Variants in TLK1 observed in about 807,000 individuals in gnomAD.
TLK1 encodes the protein tousled like kinase 1, also known as serine/threonine-protein kinase tousled-like 1.
TLK1 carries 24 observed loss-of-function variants against 105.3 expected under a neutral mutation model. The ratio of observed to expected loss-of-function variants is 0.23; its 90% CI spans 0.17 to 0.32. The LOEUF (loss-of-function observed/expected upper bound fraction) is 0.32. TLK1 is among the 10% of genes least tolerant of loss of function. The pLI is 1.00. For missense variants in TLK1, 558 were observed against 910.5 expected, an observed-to-expected ratio of 0.61 and a Z score of 4.98; for synonymous variants, 321 against 310.4, an observed-to-expected ratio of 1.03 and a Z score of -0.36.
intron 1 of TLK1, among the ~76,000 whole-genome samples, chr2:171,198,664 T>C (rs1405103163): frequency 6.6e-6 from 1 of 152,172 alleles, no homozygotes; most frequent in Non-Finnish European, 1.5e-5. Context: ...TCCAAAGATG[T>C]GTTAGAAAAG....
At chr2:171,057,718 T>TA (rs1234642970) in intron 5 of TLK1, among the ~76,000 whole-genome samples, 3 of 152,134 alleles carry the variant, frequency 2.0e-5, no homozygotes, top group Non-Finnish European at 4.4e-5. Context: ...CAGTGAACTT[T>TA]AACTTCTATT....
rs567804528 is a variant in TLK1 at position 171,080,818 on chromosome 2, C to T, written c.330+1963G>A. On this transcript the variant is annotated intron_variant, in intron 3 of 20. Transcript: ENST00000431350. ...GACTTCCTTGGCTCAAGTTACTGTC[C>T]CACCTCAGCCTCTCGAGTAGATGGG... Among the ~76,000 whole-genome samples the T allele has an allele frequency of 4.6e-5, 7 of 151,950 alleles. No homozygotes were observed. The South Asian group carries it at 1.5e-3, about 32-fold the overall frequency.
At chr2:171,183,668 T>C (rs1023506435) in intron 1 of TLK1, among the ~76,000 whole-genome samples, 1 of 152,220 alleles carries the variant, frequency 6.6e-6, no homozygotes, top group Non-Finnish European at 1.5e-5. Flanking sequence ...CTTTAAATAA[T>C]TTAAATATTG....
chr2:171,176,840 A>AT (rs1220619302), intron 1 of TLK1, among the ~76,000 whole-genome samples: 1,443 of 144,036 alleles, frequency 0.01, 23 homozygotes, highest in African/African-American at 0.033. Flanking sequence ...TTTTTTTTTA[A>AT]TTTTTTTTTT....
intron 1 of TLK1, among the ~76,000 whole-genome samples, chr2:171,142,624 A>C (rs2105579890): frequency 6.6e-6 from 1 of 152,348 alleles, no homozygotes; most frequent in African/African-American, 2.4e-5. Context: ...AATATATAAA[A>C]CAAAAACTGA....
intron 12 of TLK1, among the ~76,000 whole-genome samples, chr2:171,027,142 G>A (rs1685812179): frequency 6.6e-6 from 1 of 152,100 alleles, no homozygotes; most frequent in African/African-American, 2.4e-5. Context: ...TTAGTATGCA[G>A]TGTAATAGTA....
At chr2:171,223,798 ATT>A (rs1273261078) in intron 1 of TLK1, among the ~76,000 whole-genome samples, 37 of 127,132 alleles carry the variant, frequency 2.9e-4, no homozygotes, top group Admixed American at 4.7e-4. Flanking sequence ...TTTAAAATCA[ATT>A]TTTTTTTTTT....
In TLK1 at chr2:171,160,474, G is replaced by GCGGCAA. The variant is rs762014120; in HGVS notation, c.-52_-47dup. The GCGGCAA allele has an allele frequency of 1.9e-6, 3 of 1,572,202 alleles. No homozygotes were observed. The highest frequency in any genetic ancestry group is 1.2e-5 in the South Asian group (1 of 86,882). On this transcript the variant is annotated 5_prime_UTR_variant, in exon 1 of 21. Transcript: ENST00000431350. This position sits in a 1 kb window ranked among gnomAD's most constrained non-coding sequence, Gnocchi z 4.4. Reference sequence around the variant, plus strand: ...CGACTCCCCCCCTGCGACGGCAGCGGCGGCAACGGCACCGGCACCCGCCTC... The same window carrying GCGGCAA: ...CGACTCCCCCCCTGCGACGGCAGCGGCGGCAACGGCAACGGCACCGGCACCCGCCTC...
rs1575639889 is a variant in TLK1 at position 171,160,219 on chromosome 2, G to GCA, written c.139+70_139+71insTG. The GCA allele has an allele frequency of 1.1e-5, 14 of 1,257,414 alleles. No individual in the cohort carries two copies. The South Asian group carries it at 2.1e-4, about 19-fold the overall frequency. The allele number at this position is 1,257,414 out of a possible 1,614,324, so 77.9% of individuals were successfully genotyped here. A position where few individuals can be genotyped will look rare whatever the true frequency, so the allele number is the denominator to read the frequency against. ...GAGAAGCCCCGGGGCGGGGGGGGCG[G>GCA]GGGGGGGGCGCGGGGGTCCGCGGCG... is the stretch of plus-strand genomic sequence containing the variant. On this transcript the variant is annotated intron_variant, in intron 1 of 20. Coordinates refer to ENST00000431350, the MANE Select transcript of TLK1 (RefSeq NM_012290.5). The surrounding 1 kb of genome is among the most constrained non-coding windows in gnomAD (Gnocchi z 4.4).
chr2:171,076,380 T>C (rs961772344), intron 3 of TLK1, among the ~76,000 whole-genome samples: 4 of 152,082 alleles, frequency 2.6e-5, no homozygotes, highest in African/African-American at 9.7e-5. Context: ...TTCCATCTTC[T>C]ACCACGGGGT....
In TLK1 at chr2:171,006,968, T is replaced by G. The variant is rs1343232262; in HGVS notation, c.1508+4A>C. On this transcript the variant is annotated splice_donor_region_variant and intron_variant, in intron 15 of 20. Transcript: ENST00000431350. ...TTAAAAAACCATAAAGTATTAGTAT[T>G]TACTTGTGGTAGTTTTCTTTCTTCT... 6.2e-7 allele frequency: 1 copy of G among 1,608,188 alleles called. No homozygotes were observed.
chr2:171,160,349 G>A lies in TLK1; in HGVS notation c.80C>T (p.Ser27Leu), dbSNP rs750188591. The A allele has an allele frequency of 5.6e-6, 9 of 1,604,304 alleles. No individual in the cohort carries two copies. Among genetic ancestry groups the A allele is most frequent in the East Asian group, 4.6e-5 (2 of 43,164 alleles). The change falls in exon 1 of 21, where the codon TCG (serine) becomes TTG (leucine). Residue 27 changes from serine to leucine, a missense_variant. By Grantham distance (145) the Ser-to-Leu change is moderately radical (BLOSUM62 -2). Coordinates refer to ENST00000431350, the MANE Select transcript of TLK1 (RefSeq NM_012290.5). This position sits in a 1 kb window ranked among gnomAD's most constrained non-coding sequence, Gnocchi z 4.4. The stretch of plus-strand genomic sequence containing the variant: ...CAGCAGGGACCTGGCCGCCGCCGCC[G>A]AGCCCGGGGTTGGAGACGTGGAGAG... The part of the protein sequence containing the change: ...SQLSTSPTPG[S>L]AAAARSLLNH...
intron 19 of TLK1, 80 bp from the exon 20 acceptor site, chr2:170,996,840 C>T (rs1684087645): frequency 8.1e-7 from 1 of 1,228,504 alleles, no homozygotes; most frequent in Middle Eastern, 2.4e-4. Flanking sequence ...TAAGCGAATT[C>T]CCAAAACCGA....
At chr2:171,165,340 G>A (rs898294168), upstream of TLK1, among the ~76,000 whole-genome samples, 7 of 152,188 alleles carry the variant, frequency 4.6e-5, no homozygotes, top group African/African-American at 1.7e-4. Flanking sequence ...CAATGAGCTG[G>A]GTTTCAGGTG....
intron 12 of TLK1, chr2:171,022,882 C>T (rs1057418881): frequency 7.0e-6 from 2 of 286,214 alleles, no homozygotes; most frequent in South Asian, 3.2e-5. Flanking sequence ...CTAAAGCCAA[C>T]GCCCTGCATT....
At chr2:171,056,967 C>T (rs1687532554) in intron 5 of TLK1, among the ~76,000 whole-genome samples, 1 of 151,938 alleles carries the variant, frequency 6.6e-6, no homozygotes, top group Admixed American at 6.6e-5. Flanking sequence ...ACCCATAGAC[C>T]TTAGTGAACA....
intron 3 of TLK1, 139 bp downstream of exon 3, chr2:171,082,642 G>T: frequency 1.4e-6 from 1 of 694,456 alleles, no homozygotes; most frequent in Non-Finnish European, 2.5e-6. Context: ...GCTTCATAAG[G>T]CAGAACAAAA....
chr2:171,024,978 C>G (rs2105388068), intron 12 of TLK1, among the ~76,000 whole-genome samples: 1 of 152,262 alleles, frequency 6.6e-6, no homozygotes, highest in East Asian at 1.9e-4. Flanking sequence ...AAGTGACGCT[C>G]TGCTGTGATT....
intron 3 of TLK1, chr2:171,067,052 AC>A (rs2105454844): frequency 7.3e-7 from 1 of 1,368,192 alleles, no homozygotes; most frequent in Non-Finnish European, 9.7e-7. Flanking sequence ...CCTGTATCAT[AC>A]CCCTACAAAC....
Sources: gnomAD v4.1 joint callset for allele counts (sites outside exome capture counted in the v4.1 genomes callset) on GRCh38, gnomAD v4.1.1 for gene constraint, Gnocchi (gnomAD v3.1) non-coding constraint, MANE v1.5 for transcripts, NCBI Gene and HGNC (gene_info 2026-07-23, HGNC 2026-07-21) for gene names.